Variants in PLPP1 observed in about 807,000 individuals in gnomAD.
PLPP1 encodes the protein phospholipid phosphatase 1.
PLPP1 carries 24 observed loss-of-function variants against 31.2 expected under a neutral mutation model. The ratio of observed to expected loss-of-function variants is 0.77; its 90% CI spans 0.56 to 1.08. PLPP1 has a LOEUF of 1.08. PLPP1 is among the 50% of genes least tolerant of loss of function. The pLI is 0.00. For synonymous variants in PLPP1, 146 were observed against 126.3 expected (o/e 1.16, Z -1.05); for missense variants, 319 against 342.7 (o/e 0.93, Z 0.55).
intron 3 of PLPP1, among the ~76,000 whole-genome samples, chr5:55,454,531 AG>A (rs1424536551): frequency 6.6e-6 from 1 of 152,200 alleles, no homozygotes; most frequent in Non-Finnish European, 1.5e-5. Context: ...TGTACTCCTC[AG>A]GGGCTATTAT....
chr5:55,476,224 C>T (rs1434944950), intron 1 of PLPP1, among the ~76,000 whole-genome samples: 1 of 151,570 alleles, frequency 6.6e-6, no homozygotes, highest in South Asian at 2.1e-4. Context: ...GCTATGTTGC[C>T]CAGGCTGATC....
intron 1 of PLPP1, chr5:55,530,365 T>A: frequency 7.5e-7 from 1 of 1,333,912 alleles, no homozygotes; most frequent in Non-Finnish European, 1.1e-6. Flanking sequence ...TGATTACTGT[T>A]AGAGTGATCC....
intron 5 of PLPP1, 72 bp downstream of exon 5, chr5:55,425,791 A>ATTTT: frequency 9.9e-7 from 1 of 1,009,682 alleles, no homozygotes; most frequent in Non-Finnish European, 1.4e-6. Context: ...GATTTTTTGG[A>ATTTT]TTTTTTTTTT....
Position 55,425,280 on chromosome 5 carries a change from CTT to C in PLPP1, c.779_780del (p.Lys260ArgfsTer10). ...TGCAGAGTTGTATGAGAGTCCTCCT[CTT>C]TTCTTTCTTTAAAAGAAGTTCTTTC... ...FKERTSFKER[K>X]EEDSHTTLHE... is the part of the protein sequence containing the mutation. On this transcript the variant is annotated frameshift_variant, in exon 6 of 6. Transcript: ENST00000307259. LOFTEE classifies it high-confidence loss of function. 1.2e-6 allele frequency: 2 copies of C among 1,611,478 alleles called. No individual in the cohort carries two copies. The highest frequency in any genetic ancestry group is 1.7e-6 in the Non-Finnish European group (2 of 1,177,900).
At chr5:55,450,463 TTAAGA>T (rs1487504456) in intron 3 of PLPP1, among the ~76,000 whole-genome samples, 15 of 152,140 alleles carry the variant, frequency 9.9e-5, no homozygotes, top group Admixed American at 2.0e-4. Context: ...GCTGAGAATC[TTAAGA>T]TAAAGGAAAG....
intron 4 of PLPP1, among the ~76,000 whole-genome samples, chr5:55,437,745 G>A (rs1204299457): frequency 1.3e-5 from 2 of 152,154 alleles, no homozygotes; most frequent in Non-Finnish European, 2.9e-5. Flanking sequence ...ACCATTTTTA[G>A]GATTCACTGA....
intron 1 of PLPP1, among the ~76,000 whole-genome samples, chr5:55,495,900 G>C (rs972613364): frequency 6.6e-6 from 1 of 152,060 alleles, no homozygotes; most frequent in Non-Finnish European, 1.5e-5. Flanking sequence ...TGTCGCCCAG[G>C]CTGGAGTAGT....
chr5:55,512,518 A>AGAGAGAGAGAGAGAGAGAGAGAG (rs1753449552), intron 1 of PLPP1, among the ~76,000 whole-genome samples: 1 of 5,400 alleles, frequency 1.9e-4, no homozygotes, highest in African/African-American at 5.1e-4. Context: ...AAAGAAAAGA[A>AGAGAGAGAGAGAGAGAGAGAGAG]AGAAAGAAAG....
At chr5:55,532,479 G>C (rs1482765030) in intron 1 of PLPP1, among the ~76,000 whole-genome samples, 1 of 151,950 alleles carries the variant, frequency 6.6e-6, no homozygotes, top group Non-Finnish European at 1.5e-5. Flanking sequence ...TTTTCTGATC[G>C]AACATTTTCC....
intron 4 of PLPP1, among the ~76,000 whole-genome samples, chr5:55,431,496 C>G (rs1403546198): frequency 6.6e-6 from 1 of 152,088 alleles, no homozygotes; most frequent in African/African-American, 2.4e-5. Flanking sequence ...TGTACAAATG[C>G]ATGAAAATTA....
rs367685335 is a variant in PLPP1 at position 55,510,285 on chromosome 5, T to C, written c.58+24287A>G. Among the ~76,000 whole-genome samples the C allele has an allele frequency of 5.9e-5, 9 of 152,244 alleles. No individual in the cohort carries two copies. In the East Asian group the frequency reaches 1.7e-3, roughly 29 times the overall value. On this transcript the variant is annotated intron_variant, in intron 1 of 5. Transcript: ENST00000307259. ...ACTAGACTCAAATGGCTACATACTA[T>C]ATAGCCTTTATGATTCCATTTATAT...
intron 3 of PLPP1, among the ~76,000 whole-genome samples, chr5:55,461,939 TA>T (rs893163882): frequency 1.2e-4 from 17 of 147,794 alleles, no homozygotes; most frequent in East Asian, 7.9e-4. Flanking sequence ...GGAAATTGAT[TA>T]AAAAAAAAAC....
intron 1 of PLPP1, among the ~76,000 whole-genome samples, chr5:55,518,366 A>G (rs761050792): frequency 1.3e-5 from 2 of 151,526 alleles, no homozygotes; most frequent in Non-Finnish European, 2.9e-5. Context: ...TCATTTCATT[A>G]TAATGTTGAT....
intron 1 of PLPP1, among the ~76,000 whole-genome samples, chr5:55,492,272 T>C (rs1441275559): frequency 6.6e-6 from 1 of 152,168 alleles, no homozygotes; most frequent in Non-Finnish European, 1.5e-5. Flanking sequence ...AGAAAAATAA[T>C]GTATACCCAG....
At chr5:55,528,958 A>T (rs1269789105) in intron 1 of PLPP1, among the ~76,000 whole-genome samples, 1 of 152,160 alleles carries the variant, frequency 6.6e-6, no homozygotes, top group Non-Finnish European at 1.5e-5. Flanking sequence ...AAAAGTAGTG[A>T]AACAGTGGTT....
At chr5:55,446,895 G>A (rs1234999415) in intron 3 of PLPP1, among the ~76,000 whole-genome samples, 1 of 152,046 alleles carries the variant, frequency 6.6e-6, no homozygotes, top group Non-Finnish European at 1.5e-5. Context: ...TTATATCTGT[G>A]CCCCATGTTC....
intron 1 of PLPP1, among the ~76,000 whole-genome samples, chr5:55,487,889 G>C (rs1040751470): frequency 6.6e-6 from 1 of 152,134 alleles, no homozygotes; most frequent in African/African-American, 2.4e-5. Context: ...AGCACTTTGG[G>C]AGGCCGAGGC....
chr5:55,519,131 C>T (rs1484628595), intron 1 of PLPP1, among the ~76,000 whole-genome samples: 5 of 152,170 alleles, frequency 3.3e-5, no homozygotes, highest in Admixed American at 3.3e-4. Flanking sequence ...AATGGCAACA[C>T]TGAGAACTGC....
At position 55,467,863 on chromosome 5, in the gene PLPP1, A is replaced by G; in HGVS notation, c.491+6T>C. The G allele has an allele frequency of 1.9e-6, 3 of 1,604,498 alleles. No individual in the cohort carries two copies. Among genetic ancestry groups the G allele is most frequent in the Non-Finnish European group, 2.6e-6 (3 of 1,174,782 alleles). On this transcript the variant is annotated splice_donor_region_variant and intron_variant, in intron 3 of 5. Transcript: ENST00000307259. Reference sequence around the variant, plus strand: ...ATTAAACAAGCATTAGCGATTTAACACTCACCTGCCTTCCTTAACTCTTTC... The same window carrying G: ...ATTAAACAAGCATTAGCGATTTAACGCTCACCTGCCTTCCTTAACTCTTTC...
Sources: gnomAD v4.1 joint callset for allele counts (sites outside exome capture counted in the v4.1 genomes callset) on GRCh38, gnomAD v4.1.1 for gene constraint, MANE v1.5 for transcripts, NCBI Gene and HGNC (gene_info 2026-07-23, HGNC 2026-07-21) for gene names.